SLC8A1: variants seen among roughly 807,000 people sequenced by gnomAD.
SLC8A1 encodes the protein solute carrier family 8 member A1.
In SLC8A1, 18 loss-of-function variants were observed where a neutral mutation model predicts 68.3. The observed-to-expected ratio is 0.26, with a 90% CI of 0.18 to 0.39. The LOEUF is 0.39. Among genes scored for constraint, SLC8A1 ranks in the 10% least tolerant of loss-of-function variants. SLC8A1 has a pLI of 1.00. For synonymous variants in SLC8A1, 475 were observed against 415.5 expected, an observed-to-expected ratio of 1.14 and a Z score of -1.74; for missense variants, 985 against 1,156.7, an observed-to-expected ratio of 0.85 and a Z score of 2.15.
chr2:40,398,372 T>C (rs1254667937), intron 2 of SLC8A1, among the ~76,000 whole-genome samples: 5 of 152,212 alleles, frequency 3.3e-5, no homozygotes, highest in African/African-American at 9.6e-5. Flanking sequence ...TATGTCATGG[T>C]ACTGTCTTGT....
chr2:40,460,912 G>A (rs1703303974), intron 1 of SLC8A1, among the ~76,000 whole-genome samples: 2 of 152,116 alleles, frequency 1.3e-5, no homozygotes, highest in Admixed American at 6.5e-5. Context: ...GGCCGGATAT[G>A]TACTTTATGA....
intron 1 of SLC8A1, among the ~76,000 whole-genome samples, chr2:40,490,986 A>G (rs930454902): frequency 2.6e-5 from 4 of 152,166 alleles, no homozygotes; most frequent in Admixed American, 6.6e-5. Context: ...TATACCTTCT[A>G]TGGAATTTAT....
intron 2 of SLC8A1, among the ~76,000 whole-genome samples, chr2:40,381,492 T>C (rs929975590): frequency 1.3e-5 from 2 of 152,018 alleles, no homozygotes; most frequent in African/African-American, 2.4e-5. Context: ...GGTTTCTTTC[T>C]CTTCACTTCG....
chr2:40,425,311 A>G (rs1024640143), intron 2 of SLC8A1, among the ~76,000 whole-genome samples: 1 of 150,786 alleles, frequency 6.6e-6, no homozygotes, highest in Non-Finnish European at 1.5e-5. Context: ...ACATTTTTAT[A>G]TTATAAATTT....
chr2:40,374,034 C>T (rs377604907), intron 2 of SLC8A1, among the ~76,000 whole-genome samples: 18 of 152,186 alleles, frequency 1.2e-4, no homozygotes, highest in East Asian at 7.7e-4. Context: ...AAACACAGGA[C>T]GCAGTGAGGT....
At position 40,287,790 on chromosome 2, in the gene SLC8A1, G is replaced by A. The variant is rs184655217; in HGVS notation, c.1809-109935C>T. Among the ~76,000 whole-genome samples, 4 of 152,028 alleles carry A rather than the reference G, an allele frequency of 2.6e-5. No individual in the cohort carries two copies. In the South Asian group the frequency reaches 6.2e-4, roughly 24 times the overall value. On this transcript the variant is annotated intron_variant, in intron 2 of 7. Coordinates refer to ENST00000406785, the Ensembl canonical transcript of SLC8A1. Reference sequence around the variant, plus strand: ...TGAAGAGACATCCTGGTCCTAGAGGGCAGAGAGGAAGCGTGGGAACTGAAG... The same window carrying A: ...TGAAGAGACATCCTGGTCCTAGAGGACAGAGAGGAAGCGTGGGAACTGAAG...
chr2:40,229,567 T>A (rs2148888019), intron 2 of SLC8A1, among the ~76,000 whole-genome samples: 1 of 152,300 alleles, frequency 6.6e-6, no homozygotes, highest in East Asian at 1.9e-4. Context: ...GACTCTCCAA[T>A]GGCAAATCTC....
chr2:40,171,803 G>A (rs576675449), intron 4 of SLC8A1, among the ~76,000 whole-genome samples: 4 of 152,254 alleles, frequency 2.6e-5, no homozygotes, highest in South Asian at 2.1e-4. Flanking sequence ...TTACCTTGTC[G>A]TATGACTGGA....
intron 1 of SLC8A1, among the ~76,000 whole-genome samples, chr2:40,492,266 C>G (rs921601591): frequency 5.9e-5 from 9 of 151,824 alleles, no homozygotes; most frequent in South Asian, 2.1e-4. Flanking sequence ...TTTTATAAAT[C>G]GTGCTGGGAA....
At position 40,129,484 on chromosome 2, in the gene SLC8A1, C is replaced by A. The variant is rs150780681; in HGVS notation, c.2437+9917G>T. Among the ~76,000 whole-genome samples the A allele has an allele frequency of 5.4e-3, 822 of 152,262 alleles. 4 individuals carry two copies. The highest frequency in any genetic ancestry group is 0.018 in the African/African-American group (764 of 41,560). ...CTCCTGGACTAAAGCGATCCTCCTG[C>A]CTTGGCCTCCCAAAGTGTGGGGATT... On this transcript the variant is annotated intron_variant, in intron 7 of 7. Transcript: ENST00000406785.
At chr2:40,282,936 C>T (rs2067739310) in intron 2 of SLC8A1, among the ~76,000 whole-genome samples, 1 of 152,180 alleles carries the variant, frequency 6.6e-6, no homozygotes, top group Admixed American at 6.5e-5. Flanking sequence ...TAGTGATGGC[C>T]TGTGCTAATG....
chr2:40,358,854 G>C (rs1331999020), intron 2 of SLC8A1, among the ~76,000 whole-genome samples: 1 of 152,148 alleles, frequency 6.6e-6, no homozygotes, highest in Non-Finnish European at 1.5e-5. Flanking sequence ...TCTGAAGGAG[G>C]GATATGCTTC....
At chr2:40,256,221 AACACACTCTTAAGGACACATC>A (rs1558985467) in intron 2 of SLC8A1, among the ~76,000 whole-genome samples, 1 of 152,200 alleles carries the variant, frequency 6.6e-6, no homozygotes, top group Non-Finnish European at 1.5e-5. Flanking sequence ...AAATGACGTC[AACACACTCTTAAGGACACATC>A]ACACACTCTG....
intron 2 of SLC8A1, among the ~76,000 whole-genome samples, chr2:40,228,020 A>G (rs916300749): frequency 1.3e-5 from 2 of 152,214 alleles, no homozygotes; most frequent in Non-Finnish European, 2.9e-5. Context: ...TAATGAGAAT[A>G]TTCATAACGT....
exon 2 of SLC8A1, chr2:40,428,642 T>A (rs758119889): frequency 6.2e-7 from 1 of 1,613,762 alleles, no homozygotes. Context: ...CTCACATGAG[T>A]CACAGGTTCC....
At chr2:40,263,693 C>T (rs2064999499) in intron 2 of SLC8A1, among the ~76,000 whole-genome samples, 1 of 152,100 alleles carries the variant, frequency 6.6e-6, no homozygotes, top group African/African-American at 2.4e-5. Flanking sequence ...CTTCCTGACA[C>T]CTTATACAAA....
intron 7 of SLC8A1, among the ~76,000 whole-genome samples, chr2:40,135,849 A>G (rs563786967): frequency 6.6e-6 from 1 of 152,332 alleles, no homozygotes; most frequent in East Asian, 1.9e-4. Context: ...TGGAAAGAGT[A>G]GGTTTGGTTA....
intron 2 of SLC8A1, among the ~76,000 whole-genome samples, chr2:40,363,856 T>G (rs1161749178): frequency 1.3e-5 from 2 of 152,170 alleles, no homozygotes; most frequent in South Asian, 4.1e-4. Flanking sequence ...ACAGTCACAT[T>G]ATTTGCTTGT....
intron 6 of SLC8A1, among the ~76,000 whole-genome samples, chr2:40,158,729 T>A (rs1263533367): frequency 1.3e-5 from 2 of 152,152 alleles, no homozygotes; most frequent in Non-Finnish European, 2.9e-5. Flanking sequence ...TCATTAGATA[T>A]AGGATCTAAG....
Sources: allele counts gnomAD v4.1 joint callset (sites outside exome capture counted in the v4.1 genomes callset), GRCh38; gene constraint gnomAD v4.1.1; transcripts MANE v1.5; gene names NCBI Gene and HGNC (gene_info 2026-07-23, HGNC 2026-07-21).